The following GRHL1 variants were observed in gnomAD, a reference collection of about 807,000 sequenced individuals.
The protein encoded by GRHL1 is grainyhead-like protein 1 homolog.
In GRHL1, 38 loss-of-function variants were observed where a neutral mutation model predicts 75.7. The ratio of observed to expected loss-of-function variants is 0.50; its 90% CI spans 0.39 to 0.66. The LOEUF is 0.66. Ranked by LOEUF, GRHL1 falls within the 30% of genes least tolerant of loss-of-function variation. The probability of loss-of-function intolerance (pLI) is 0.00; values close to 1 mark genes in which losing one functional copy is unlikely to be tolerated. For missense variants in GRHL1, 589 were observed against 767.5 expected (o/e 0.77, Z 2.75); for synonymous variants, 266 against 279.4 (o/e 0.95, Z 0.48).
At chr2:9,967,258 G>A (rs1667531546) in intron 8 of GRHL1, among the ~76,000 whole-genome samples, 1 of 152,222 alleles carries the variant, frequency 6.6e-6, no homozygotes, top group African/African-American at 2.4e-5. Flanking sequence ...AGGTTAGAGT[G>A]GCCAGCTCTT....
chr2:9,966,085 T>C (rs556510407), intron 8 of GRHL1: 2 of 152,314 alleles, frequency 1.3e-5, no homozygotes, highest in East Asian at 3.9e-4. Context: ...TGGATTACTT[T>C]AAAAACTGGG....
chr2:9,973,588 A>G (rs958197698), intron 8 of GRHL1, among the ~76,000 whole-genome samples: 5 of 152,190 alleles, frequency 3.3e-5, no homozygotes, highest in Admixed American at 6.5e-5. Context: ...CATTCTCTTT[A>G]GTGCTGTTGG....
At chr2:9,997,701 T>C (rs1415161357) in intron 14 of GRHL1, among the ~76,000 whole-genome samples, 2 of 151,682 alleles carry the variant, frequency 1.3e-5, no homozygotes, top group Non-Finnish European at 2.9e-5. Context: ...CAGGCGCCTG[T>C]AATCCCAGCT....
At chr2:9,983,308 A>AT (rs5829242) in intron 8 of GRHL1, among the ~76,000 whole-genome samples, 38,035 of 147,452 alleles carry the variant, frequency 0.26, 5,083 homozygotes, top group Admixed American at 0.34. Context: ...GCAAGGTAGC[A>AT]TTTTTTTTTT....
rs562282382 is a variant in GRHL1 at position 9,998,512 on chromosome 2, G to A, written c.1678-453G>A. Among the ~76,000 whole-genome samples, 3 of 9,012 alleles carry A rather than the reference G, an allele frequency of 3.3e-4. 1 individual carries two copies. The highest frequency in any genetic ancestry group is 2.2e-3 in the South Asian group (1 of 462). The allele number at this position is 9,012 out of a possible 152,430, so 5.9% of individuals were successfully genotyped here. ...TATACGTATATATACATATATATAC[G>A]TATATATATACATATATATACGTAT... On this transcript the variant is annotated intron_variant, in intron 14 of 15. Coordinates refer to ENST00000324907, the MANE Select transcript of GRHL1 (RefSeq NM_198182.3).
At chr2:9,957,413 ATTT>A (rs56139145) in intron 2 of GRHL1, among the ~76,000 whole-genome samples, 1 of 143,376 alleles carries the variant, frequency 7.0e-6, no homozygotes, top group Non-Finnish European at 1.5e-5. Flanking sequence ...ATGAAGCAGT[ATTT>A]TTTTTTTTTT....
chr2:9,976,999 A>G (rs184300086), intron 8 of GRHL1, among the ~76,000 whole-genome samples: 8 of 152,352 alleles, frequency 5.3e-5, no homozygotes, highest in East Asian at 1.9e-4. Flanking sequence ...AGTGACACTA[A>G]TATTTGGCAA....
At chr2:9,967,747 A>C (rs968834474) in intron 8 of GRHL1, among the ~76,000 whole-genome samples, 1 of 151,110 alleles carries the variant, frequency 6.6e-6, no homozygotes, top group African/African-American at 2.4e-5. Flanking sequence ...TTAATGCCTC[A>C]GGGCAGCAAG....
chr2:9,952,194 C>T (rs1039648180), intron 1 of GRHL1, among the ~76,000 whole-genome samples: 2 of 151,974 alleles, frequency 1.3e-5, no homozygotes, highest in South Asian at 2.1e-4. Flanking sequence ...GAGGTCGGGG[C>T]GCAGCCAACG....
At chr2:9,964,183 A>AAACATACTC in intron 6 of GRHL1, 52 bp from the exon 7 acceptor site, 1 of 1,352,612 alleles carries the variant, frequency 7.4e-7, no homozygotes, top group Non-Finnish European at 1.0e-6. Context: ...ACGTTTTCCA[A>AAACATACTC]AACATACTCA....
intron 7 of GRHL1, chr2:9,964,618 C>G (rs16867260): frequency 0.068 from 22,856 of 337,594 alleles, 896 homozygotes; most frequent in Middle Eastern, 0.11. Flanking sequence ...AATGTCCCCA[C>G]TGTTCAGTCT....
At chr2:9,981,737 C>G (rs779031045) in intron 8 of GRHL1, among the ~76,000 whole-genome samples, 90 of 152,198 alleles carry the variant, frequency 5.9e-4, no homozygotes, top group Non-Finnish European at 1.1e-3. Flanking sequence ...TTACTTACTA[C>G]CCAGTATGCA....
chr2:9,996,993 T>C (rs1668890811), intron 14 of GRHL1, among the ~76,000 whole-genome samples: 1 of 152,208 alleles, frequency 6.6e-6, no homozygotes, highest in East Asian at 1.9e-4. Flanking sequence ...AGCTGTGCAC[T>C]GGAAAAACGC....
At chr2:9,998,575 TAC>T (rs1237620246) in intron 14 of GRHL1, among the ~76,000 whole-genome samples, 1 of 72,522 alleles carries the variant, frequency 1.4e-5, no homozygotes, top group Non-Finnish European at 2.6e-5. Context: ...TGTATATATA[TAC>T]ATATGTACAT....
chr2:9,978,731 C>G (rs1668057491), intron 8 of GRHL1, among the ~76,000 whole-genome samples: 1 of 152,174 alleles, frequency 6.6e-6, no homozygotes, highest in Non-Finnish European at 1.5e-5. Context: ...TGGCTCATGC[C>G]TGTAATCCCA....
rs1231989112 is a variant in GRHL1 at position 9,998,708 on chromosome 2, A to ATATATATGTACACACATATATACG, written c.1678-225_1678-202dup. On this transcript the variant is annotated intron_variant, in intron 14 of 15. Transcript: ENST00000324907. ...TATATATGTACACACATATATATAC[A>ATATATATGTACACACATATATACG]TATATATGTACACACATATATACGT... is the stretch of plus-strand genomic sequence containing the variant. Among the ~76,000 whole-genome samples the ATATATATGTACACACATATATACG allele has an allele frequency of 3.7e-3, 198 of 53,146 alleles. 77 individuals are homozygous for ATATATATGTACACACATATATACG. Among genetic ancestry groups the ATATATATGTACACACATATATACG allele is most frequent in the South Asian group, 5.9e-3 (11 of 1,876 alleles). The allele number at this position is 53,146 out of a possible 152,430, so 34.9% of individuals were successfully genotyped here. A position where few individuals can be genotyped will look rare whatever the true frequency, so the allele number is the denominator to read the frequency against.
At chr2:9,973,479 C>T (rs896403095) in intron 8 of GRHL1, among the ~76,000 whole-genome samples, 4 of 152,204 alleles carry the variant, frequency 2.6e-5, no homozygotes, top group African/African-American at 9.6e-5. Flanking sequence ...ATGTTCCTGG[C>T]TAATTCAACT....
chr2:9,992,018 A>G lies in GRHL1; in HGVS notation c.1333A>G (p.Lys445Glu). The change falls in exon 11 of 16, where the codon AAA becomes GAA. Residue 445 changes from lysine to glutamate, a missense_variant. Coordinates refer to ENST00000324907, the MANE Select transcript of GRHL1 (RefSeq NM_198182.3). The surrounding 1 kb of genome is among the most constrained non-coding windows in gnomAD (Gnocchi z 4.6). The stretch of plus-strand genomic sequence containing the variant: ...TTTTTTTTTTTCAGTTTCTGATGTT[A>G]AAGTGCCACTGCTTCCCTCTCACAA... ...KQSKRKVSDVKVPLLPSHKRM... is the reference protein window; with the variant it reads ...KQSKRKVSDVEVPLLPSHKRM... 6.3e-7 allele frequency: 1 copy of G among 1,590,914 alleles called. No individual in the cohort carries two copies. Among genetic ancestry groups the G allele is most frequent in the South Asian group, 1.2e-5 (1 of 86,850 alleles).
chr2:9,954,764 T>TG lies in GRHL1; in HGVS notation c.21-149dup, dbSNP rs1666939128. 4.2e-6 allele frequency: 3 copies of TG among 713,292 alleles called. No homozygotes were observed. The East Asian group carries it at 8.1e-5, about 19-fold the overall frequency. The allele number at this position is 713,292 out of a possible 1,614,324, so 44.2% of individuals were successfully genotyped here. On this transcript the variant is annotated intron_variant, in intron 1 of 15. Coordinates refer to ENST00000324907, the MANE Select transcript of GRHL1 (RefSeq NM_198182.3). Reference sequence around the variant, plus strand: ...TGGGACCCATTGGTCTGCACTTACGTGGTTTGTCTTCTGGTCTTGTCTTAA... The same window carrying TG: ...TGGGACCCATTGGTCTGCACTTACGTGGGTTTGTCTTCTGGTCTTGTCTTAA...
Sources: gnomAD v4.1 joint callset for allele counts (sites outside exome capture counted in the v4.1 genomes callset) on GRCh38, gnomAD v4.1.1 for gene constraint, Gnocchi (gnomAD v3.1) non-coding constraint, MANE v1.5 for transcripts, NCBI Gene and HGNC (gene_info 2026-07-23, HGNC 2026-07-21) for gene names.